GPC6: variants seen among roughly 807,000 people sequenced by gnomAD.
GPC6 encodes glypican 6.
In GPC6, 14 loss-of-function variants were observed where a neutral mutation model predicts 55.2. The observed-to-expected ratio is 0.25, with a 90% confidence interval of 0.17 to 0.40. The LOEUF is 0.40. Among genes scored for constraint, GPC6 ranks in the 10% least tolerant of loss-of-function variants. The pLI is 1.00. For synonymous variants in GPC6, 278 were observed against 259.6 expected, an observed-to-expected ratio of 1.07 and a Z score of -0.68; for missense variants, 641 against 708.5, an observed-to-expected ratio of 0.90 and a Z score of 1.08.
rs528042756 is a variant in GPC6 at position 93,378,909 on chromosome 13, C to T, written c.160+151293C>T. On this transcript the variant is annotated intron_variant, in intron 1 of 8. Transcript: ENST00000377047. ...CCTCCAGAGCCTGAGGCAGGAGAAT[C>T]GCATGAACCCAGGAGGCAAAGGTGG... 1.0e-3 allele frequency among the ~76,000 whole-genome samples: 152 copies of T among 150,940 alleles called. No homozygotes were observed. The Middle Eastern group carries it at 0.014, about 14-fold the overall frequency.
chr13:93,361,959 T>G (rs1399413910), intron 1 of GPC6, among the ~76,000 whole-genome samples: 2 of 152,212 alleles, frequency 1.3e-5, no homozygotes, highest in African/African-American at 4.8e-5. Context: ...GATCTTTCAC[T>G]TGTGACTGGA....
intron 1 of GPC6, among the ~76,000 whole-genome samples, chr13:93,407,854 A>G (rs1876351514): frequency 6.6e-6 from 1 of 152,170 alleles, no homozygotes; most frequent in Non-Finnish European, 1.5e-5. Context: ...GGCTGTGTAA[A>G]GATTAATTTC....
intron 1 of GPC6, among the ~76,000 whole-genome samples, chr13:93,375,343 A>T (rs1416700178): frequency 6.6e-6 from 1 of 152,126 alleles, no homozygotes; most frequent in Non-Finnish European, 1.5e-5. Context: ...AGCATTGAGG[A>T]CTGCTTAAAG....
intron 3 of GPC6, among the ~76,000 whole-genome samples, chr13:93,898,535 A>G (rs1265770993): frequency 1.3e-5 from 2 of 152,144 alleles, no homozygotes; most frequent in African/African-American, 4.8e-5. Context: ...AAGCAGATTA[A>G]TCAGCGGACT....
intron 3 of GPC6, among the ~76,000 whole-genome samples, chr13:93,890,889 GA>G (rs1282215852): frequency 2.0e-5 from 3 of 151,348 alleles, no homozygotes; most frequent in Admixed American, 6.6e-5. Context: ...TATATAACCA[GA>G]AAAAATAAAA....
chr13:94,260,617 C>A (rs1891629342), intron 4 of GPC6, among the ~76,000 whole-genome samples: 1 of 152,180 alleles, frequency 6.6e-6, no homozygotes, highest in Non-Finnish European at 1.5e-5. Context: ...AAGACTCTAT[C>A]TCCTAATATA....
chr13:94,382,347 G>A (rs867252815), intron 6 of GPC6, 67 bp from the exon 7 acceptor site: 4 of 1,566,432 alleles, frequency 2.6e-6, no homozygotes, highest in Admixed American at 1.7e-5. Flanking sequence ...GCCTGCGTAC[G>A]TCCTTGTGTA....
At chr13:93,422,965 G>A (rs1008512526) in intron 1 of GPC6, among the ~76,000 whole-genome samples, 1 of 152,110 alleles carries the variant, frequency 6.6e-6, no homozygotes, top group Non-Finnish European at 1.5e-5. Context: ...TGCTGAAAAG[G>A]AAATGTTGGT....
chr13:93,942,432 A>T (rs1594607077), intron 3 of GPC6, among the ~76,000 whole-genome samples: 2 of 152,014 alleles, frequency 1.3e-5, no homozygotes, highest in South Asian at 4.1e-4. Flanking sequence ...TGATCCTCCC[A>T]CCTCAGCCTC....
chr13:93,589,108 A>T lies in GPC6; in HGVS notation c.319+43687A>T, dbSNP rs187943036. Among the ~76,000 whole-genome samples, 155 of 152,306 alleles carry T rather than the reference A, an allele frequency of 1.0e-3. 1 individual carries two copies. Among genetic ancestry groups the T allele is most frequent in the Non-Finnish European group, 1.9e-3 (132 of 68,010 alleles). Reference sequence around the variant, plus strand: ...TTCATTTTGAAATAGTTTTAAATTTACAGAAAGTTGGAAAAAGAGTACAAG... The same window carrying T: ...TTCATTTTGAAATAGTTTTAAATTTTCAGAAAGTTGGAAAAAGAGTACAAG... On this transcript the variant is annotated intron_variant, in intron 2 of 8. Transcript: ENST00000377047.
chr13:93,871,405 T>G (rs1346499418), intron 3 of GPC6, among the ~76,000 whole-genome samples: 3 of 151,958 alleles, frequency 2.0e-5, no homozygotes, highest in African/African-American at 4.8e-5. Flanking sequence ...GATCAAAATA[T>G]CACAGTTCGA....
At chr13:94,044,571 A>G (rs951178339) in intron 4 of GPC6, among the ~76,000 whole-genome samples, 1 of 151,960 alleles carries the variant, frequency 6.6e-6, no homozygotes, top group African/African-American at 2.4e-5. Flanking sequence ...TATAACAAAT[A>G]TGCTATAATG....
At chr13:93,513,097 A>G (rs1403395116) in intron 1 of GPC6, among the ~76,000 whole-genome samples, 2 of 152,130 alleles carry the variant, frequency 1.3e-5, no homozygotes, top group East Asian at 3.9e-4. Flanking sequence ...TGGATTACAA[A>G]CTTGAGTCCC....
chr13:93,415,083 T>C (rs2139250278), intron 1 of GPC6, among the ~76,000 whole-genome samples: 1 of 152,278 alleles, frequency 6.6e-6, no homozygotes, highest in South Asian at 2.1e-4. Context: ...ATGGTTACCA[T>C]GACAGACTCA....
At chr13:93,705,150 A>G (rs879135391) in intron 2 of GPC6, among the ~76,000 whole-genome samples, 1 of 151,964 alleles carries the variant, frequency 6.6e-6, no homozygotes, top group African/African-American at 2.4e-5. Flanking sequence ...CAAAGTTACT[A>G]GTTTTCCTTT....
chr13:94,165,316 TA>T lies in GPC6; in HGVS notation c.878-121028del, dbSNP rs1293969547. Among the ~76,000 whole-genome samples, 3 of 150,110 alleles carry T rather than the reference TA, an allele frequency of 2.0e-5. No homozygotes were observed. In the East Asian group the frequency reaches 5.9e-4, roughly 29 times the overall value. On this transcript the variant is annotated intron_variant, in intron 4 of 8. Coordinates refer to ENST00000377047, the MANE Select transcript of GPC6 (RefSeq NM_005708.5). ...TACATAATGGAATACTATTCAGCCA[TA>T]AAAAGGAATGAATATGGCATTTGCA...
chr13:94,374,659 G>T (rs1879750449), intron 6 of GPC6, among the ~76,000 whole-genome samples: 1 of 151,552 alleles, frequency 6.6e-6, no homozygotes, highest in Non-Finnish European at 1.5e-5. Context: ...CAACGAGACA[G>T]AAAGTCAACA....
intron 1 of GPC6, among the ~76,000 whole-genome samples, chr13:93,315,810 G>A (rs1879227613): frequency 6.6e-6 from 1 of 151,606 alleles, no homozygotes; most frequent in Non-Finnish European, 1.5e-5. Context: ...AGAGTGAGTG[G>A]GGAGTCACTG....
At chr13:93,614,980 A>T (rs151205526) in intron 2 of GPC6, among the ~76,000 whole-genome samples, 1 of 152,076 alleles carries the variant, frequency 6.6e-6, no homozygotes, top group Admixed American at 6.6e-5. Context: ...TGTATTAGCC[A>T]TCATGATATC....
Sources: gnomAD v4.1 joint callset for allele counts (sites outside exome capture counted in the v4.1 genomes callset) on GRCh38, gnomAD v4.1.1 for gene constraint, MANE v1.5 for transcripts, NCBI Gene and HGNC (gene_info 2026-07-23, HGNC 2026-07-21) for gene names.